The following BNC2 variants were observed in gnomAD, a reference collection of about 807,000 sequenced individuals.
BNC2 encodes basonuclin zinc finger protein 2.
A neutral mutation model predicts 76.3 loss-of-function variants in BNC2; 20 were observed. The ratio of observed to expected loss-of-function variants is 0.26; its 90% CI spans 0.18 to 0.38. BNC2 has a LOEUF of 0.38. Ranked by LOEUF, BNC2 falls within the 10% of genes least tolerant of loss-of-function variation. The pLI is 1.00. For synonymous variants in BNC2, 582 were observed against 514.8 expected, an observed-to-expected ratio of 1.13 and a Z score of -1.77; for missense variants, 1,382 against 1,399.8, an observed-to-expected ratio of 0.99 and a Z score of 0.20.
At chr9:16,534,991 AT>A (rs957411581) in intron 5 of BNC2, among the ~76,000 whole-genome samples, 3 of 152,150 alleles carry the variant, frequency 2.0e-5, no homozygotes, top group South Asian at 2.1e-4. Context: ...AAATCTGCCT[AT>A]TTTTTTCTGT....
At chr9:16,827,701 T>A (rs896331459) in intron 1 of BNC2, among the ~76,000 whole-genome samples, 1 of 152,188 alleles carries the variant, frequency 6.6e-6, no homozygotes, top group African/African-American at 2.4e-5. Flanking sequence ...AGATTCTATG[T>A]GCACACGTGT....
rs181414173 is a variant in BNC2, at chr9:16,711,904, A to G, written c.330+15893T>C. On this transcript the variant is annotated intron_variant, in intron 3 of 6. Transcript: ENST00000380672. ...AAAGAAGTAGTAATTTTAAATCCCT[A>G]ATCGCTCACCCAATCTGATTAGGAC... 3.7e-3 allele frequency among the ~76,000 whole-genome samples: 570 copies of G among 152,362 alleles called. 5 individuals carry two copies. The highest frequency in any genetic ancestry group is 5.2e-3 in the Non-Finnish European group (357 of 68,034).
At chr9:16,438,949 C>A (rs894688712) in intron 5 of BNC2, among the ~76,000 whole-genome samples, 1 of 152,090 alleles carries the variant, frequency 6.6e-6, no homozygotes. Context: ...CTCCCATAAT[C>A]CCCAAATGTC....
intron 1 of BNC2, among the ~76,000 whole-genome samples, chr9:16,805,737 G>T (rs920864635): frequency 1.5e-5 from 2 of 136,618 alleles, no homozygotes; most frequent in African/African-American, 5.6e-5. Flanking sequence ...ACACACACAC[G>T]CAAACACAGT....
At chr9:16,769,697 T>G (rs933007078) in intron 1 of BNC2, among the ~76,000 whole-genome samples, 1 of 152,196 alleles carries the variant, frequency 6.6e-6, no homozygotes, top group African/African-American at 2.4e-5. Context: ...AGTCTCCAAG[T>G]CGCCAGCTTA....
chr9:16,846,345 C>A (rs981852327), intron 1 of BNC2, among the ~76,000 whole-genome samples: 1 of 152,122 alleles, frequency 6.6e-6, no homozygotes, highest in African/African-American at 2.4e-5. Flanking sequence ...TCACTATTTC[C>A]TTAAGCAAAG....
intron 3 of BNC2, among the ~76,000 whole-genome samples, chr9:16,702,797 T>C (rs1023666557): frequency 6.6e-6 from 1 of 152,156 alleles, no homozygotes; most frequent in African/African-American, 2.4e-5. Flanking sequence ...TTCCTGACAA[T>C]CTGTAAGCTA....
intron 1 of BNC2, among the ~76,000 whole-genome samples, chr9:16,838,806 G>T (rs909965995): frequency 1.3e-5 from 2 of 152,170 alleles, no homozygotes; most frequent in East Asian, 1.9e-4. Flanking sequence ...TGTACTTATT[G>T]TATGCGTGGC....
At chr9:16,661,142 G>T (rs1053160597) in intron 3 of BNC2, among the ~76,000 whole-genome samples, 1 of 152,042 alleles carries the variant, frequency 6.6e-6, no homozygotes, top group Non-Finnish European at 1.5e-5. Flanking sequence ...TACAACCTAG[G>T]GGTTCCTTTC....
intron 3 of BNC2, among the ~76,000 whole-genome samples, chr9:16,604,223 CTT>C (rs1025761773): frequency 1.3e-5 from 2 of 152,132 alleles, no homozygotes; most frequent in Non-Finnish European, 2.9e-5. Flanking sequence ...ATTAGAACCT[CTT>C]TCTCTCTCTC....
At chr9:16,786,745 G>A (rs946591535) in intron 1 of BNC2, among the ~76,000 whole-genome samples, 3 of 152,166 alleles carry the variant, frequency 2.0e-5, no homozygotes, top group African/African-American at 4.8e-5. Context: ...CCCACAGGAT[G>A]ACTGTGATAC....
At chr9:16,630,745 G>GTTTTTTTTTTT (rs1237990061) in intron 3 of BNC2, among the ~76,000 whole-genome samples, 1 of 73,820 alleles carries the variant, frequency 1.4e-5, no homozygotes, top group Non-Finnish European at 2.5e-5. Flanking sequence ...AATGTGGAGC[G>GTTTTTTTTTTT]TTTCTTTTTT....
At chr9:16,863,381 C>G (rs1052264358) in intron 1 of BNC2, among the ~76,000 whole-genome samples, 5 of 152,144 alleles carry the variant, frequency 3.3e-5, no homozygotes, top group African/African-American at 1.2e-4. Flanking sequence ...TCACAAGACA[C>G]TAAGAAAAGC....
intron 1 of BNC2, among the ~76,000 whole-genome samples, chr9:16,812,236 C>T (rs1234929001): frequency 1.3e-5 from 2 of 152,240 alleles, no homozygotes; most frequent in East Asian, 3.9e-4. Context: ...GGGCTCTGGG[C>T]TTGGAGGTTG....
At chr9:16,440,250 T>C (rs1821098512) in intron 5 of BNC2, among the ~76,000 whole-genome samples, 2 of 152,158 alleles carry the variant, frequency 1.3e-5, no homozygotes, top group African/African-American at 4.8e-5. Context: ...ATTCTGACTC[T>C]AAGTTTAGAG....
intron 3 of BNC2, among the ~76,000 whole-genome samples, chr9:16,586,445 C>G (rs1819773256): frequency 6.6e-6 from 1 of 152,182 alleles, no homozygotes; most frequent in South Asian, 2.1e-4. Flanking sequence ...GTGCCTGAAA[C>G]TGTCTCTCTG....
At chr9:16,733,582 T>C (rs1429597358) in intron 2 of BNC2, among the ~76,000 whole-genome samples, 1 of 151,338 alleles carries the variant, frequency 6.6e-6, no homozygotes, top group Non-Finnish European at 1.5e-5. Flanking sequence ...CACACAAAGA[T>C]GAAATATTAC....
At chr9:16,480,806 C>T (rs1487575502) in intron 5 of BNC2, among the ~76,000 whole-genome samples, 1 of 152,188 alleles carries the variant, frequency 6.6e-6, no homozygotes, top group Non-Finnish European at 1.5e-5. Flanking sequence ...TCCATGGGCT[C>T]CTGTGCGGCC....
chr9:16,847,217 C>A (rs887957646), intron 1 of BNC2, among the ~76,000 whole-genome samples: 1 of 152,052 alleles, frequency 6.6e-6, no homozygotes, highest in Non-Finnish European at 1.5e-5. Context: ...TCAACACACA[C>A]GCAGCTCAAA....
Sources: allele counts gnomAD v4.1 joint callset (sites outside exome capture counted in the v4.1 genomes callset), GRCh38; gene constraint gnomAD v4.1.1; transcripts MANE v1.5; gene names NCBI Gene and HGNC (gene_info 2026-07-23, HGNC 2026-07-21).